CACNA1C: variants seen among roughly 807,000 people sequenced by gnomAD.
CACNA1C encodes calcium voltage-gated channel subunit alpha1 C.
Under a neutral mutation model 229.0 loss-of-function variants are expected in CACNA1C, and 30 were observed. The ratio of observed to expected loss-of-function variants is 0.13; its 90% CI spans 0.10 to 0.18. The LOEUF is 0.18. Ranked by LOEUF, CACNA1C falls within the 10% of genes least tolerant of loss-of-function variation. CACNA1C has a pLI of 1.00. For synonymous variants in CACNA1C, 1,114 were observed against 1,132.5 expected, an observed-to-expected ratio of 0.98 and a Z score of 0.33; for missense variants, 1,658 against 2,845.0, an observed-to-expected ratio of 0.58 and a Z score of 9.49.
chr12:2,115,628 T>A, intron 2 of CACNA1C, 83 bp downstream of exon 2: 1 of 1,337,858 alleles, frequency 7.5e-7, no homozygotes. Context: ...GGCCACGAGC[T>A]GTGTCAGCTG....
chr12:2,469,403 T>C (rs766881639), intron 5 of CACNA1C, among the ~76,000 whole-genome samples: 2 of 152,348 alleles, frequency 1.3e-5, no homozygotes, highest in African/African-American at 2.4e-5. Context: ...GTGTTGATAC[T>C]GGCAAAGGAC....
chr12:2,609,953 G>A (rs561792456), intron 27 of CACNA1C, among the ~76,000 whole-genome samples: 9 of 152,060 alleles, frequency 5.9e-5, no homozygotes, highest in Non-Finnish European at 1.0e-4. Flanking sequence ...GTGAAACCCC[G>A]TCTCTACTAA....
chr12:2,080,814 G>A (rs961037106), intron 1 of CACNA1C, among the ~76,000 whole-genome samples: 3 of 152,112 alleles, frequency 2.0e-5, no homozygotes, highest in Non-Finnish European at 2.9e-5. Context: ...TAGATCTGAG[G>A]AAATTGCATA....
At chr12:2,232,227 G>GTTTTTTTTTTTTTTTT (rs1169407536) in intron 3 of CACNA1C, among the ~76,000 whole-genome samples, 170 of 73,454 alleles carry the variant, frequency 2.3e-3, no homozygotes, top group East Asian at 5.2e-3. Flanking sequence ...GTCTTTCCTT[G>GTTTTTTTTTTTTTTTT]TTTTTTTTTT....
At chr12:2,681,477 G>C (rs919740798) in intron 42 of CACNA1C, among the ~76,000 whole-genome samples, 2 of 152,140 alleles carry the variant, frequency 1.3e-5, no homozygotes, top group Non-Finnish European at 2.9e-5. Flanking sequence ...CAAGGCTAAC[G>C]GCAGCTCTAG....
intron 3 of CACNA1C, among the ~76,000 whole-genome samples, chr12:2,167,226 G>A (rs1215274284): frequency 6.6e-6 from 1 of 152,200 alleles, no homozygotes; most frequent in Non-Finnish European, 1.5e-5. Flanking sequence ...AGTGCCCTGG[G>A]AAGGCTTCTG....
In CACNA1C at chr12:2,602,052, G is replaced by A. The variant is rs1286487050; in HGVS notation, c.2960+92G>A. 2.4e-6 allele frequency: 2 copies of A among 817,652 alleles called. No homozygotes were observed. The highest frequency in any genetic ancestry group is 4.2e-6 in the Non-Finnish European group (2 of 471,338). 50.6% of individuals were successfully genotyped at this position (817,652 alleles called of 1,614,324 possible). ...AGACCCTGGAGGGCCTGCCTGCAGG[G>A]CCACCGCAGTGTGATGAGAGTGGGG... On this transcript the variant is annotated intron_variant, in intron 22 of 46. Coordinates refer to ENST00000399655, the MANE Select transcript of CACNA1C (RefSeq NM_000719.7). The surrounding 1 kb of genome is among the most constrained non-coding windows in gnomAD (Gnocchi z 4.4).
At chr12:2,246,294 A>G (rs7967379) in intron 3 of CACNA1C, among the ~76,000 whole-genome samples, 10,890 of 152,232 alleles carry the variant, frequency 0.072, 599 homozygotes, top group African/African-American at 0.14. Flanking sequence ...GCTGCCCAGC[A>G]GATGAGAGTG....
At chr12:1,989,166 T>C (rs774717289) in intron 1 of CACNA1C, among the ~76,000 whole-genome samples, 2 of 152,174 alleles carry the variant, frequency 1.3e-5, no homozygotes, top group Non-Finnish European at 2.9e-5. Flanking sequence ...GGAAGATCAC[T>C]TGAGGCCAGG....
intron 3 of CACNA1C, among the ~76,000 whole-genome samples, chr12:2,204,290 G>A (rs2097687125): frequency 6.6e-6 from 1 of 151,974 alleles, no homozygotes; most frequent in African/African-American, 2.4e-5. Context: ...CCCACTTTTT[G>A]ATGGGGTTGT....
At chr12:2,571,899 C>G (rs1305131498) in intron 13 of CACNA1C, among the ~76,000 whole-genome samples, 2 of 152,168 alleles carry the variant, frequency 1.3e-5, no homozygotes, top group Non-Finnish European at 2.9e-5. Context: ...ACATTGTGGT[C>G]CCTTCAGCTG....
chr12:2,655,107 G>C, intron 33 of CACNA1C, 40 bp from the exon 34 acceptor site: 1 of 1,256,752 alleles, frequency 8.0e-7, no homozygotes, highest in Non-Finnish European at 1.2e-6. Context: ...GACCCTATCT[G>C]TCCACAAATC....
At chr12:2,179,253 A>G (rs2096759303) in intron 3 of CACNA1C, among the ~76,000 whole-genome samples, 1 of 152,236 alleles carries the variant, frequency 6.6e-6, no homozygotes, top group African/African-American at 2.4e-5. Flanking sequence ...TGTGGCAGGC[A>G]TCCTGCCAGG....
chr12:2,676,973 T>C (rs2096852863), intron 39 of CACNA1C, 121 bp from the exon 40 acceptor site: 2 of 774,260 alleles, frequency 2.6e-6, no homozygotes, highest in African/African-American at 3.5e-5. Flanking sequence ...TGTGAATGTA[T>C]TACCTCTCCA....
intron 11 of CACNA1C, among the ~76,000 whole-genome samples, chr12:2,563,036 C>T (rs543302928): frequency 6.6e-6 from 1 of 152,286 alleles, no homozygotes; most frequent in African/African-American, 2.4e-5. Flanking sequence ...CTCCACTACC[C>T]TTTCCAGCTT....
At chr12:2,204,333 T>C (rs973108203) in intron 3 of CACNA1C, among the ~76,000 whole-genome samples, 3 of 152,140 alleles carry the variant, frequency 2.0e-5, no homozygotes, top group Non-Finnish European at 4.4e-5. Context: ...TTTGAGTTCA[T>C]TGTAGATTCT....
At position 2,688,576 on chromosome 12, in the gene CACNA1C, C is replaced by T. The variant is rs771477908; in HGVS notation, c.5914C>T (p.Leu1972=). ...RGWPPQPVPT[L]RLEGVESSEK... ...CTGGCCCCCACAGCCCGTCCCCACC[C>T]TGCGGCTTGAGGGGGTCGAGTCCAG... is the stretch of plus-strand genomic sequence containing the variant. The change falls in exon 46 of 47, where the codon CTG becomes TTG. Residue 1972 remains leucine, a synonymous_variant. Coordinates refer to ENST00000399655, the MANE Select transcript of CACNA1C (RefSeq NM_000719.7). The T allele has an allele frequency of 1.9e-6, 3 of 1,613,914 alleles. No homozygotes were observed. Among genetic ancestry groups the T allele is most frequent in the African/African-American group, 2.7e-5 (2 of 74,952 alleles).
intron 5 of CACNA1C, among the ~76,000 whole-genome samples, chr12:2,465,403 G>A (rs563635293): frequency 1.3e-5 from 2 of 152,154 alleles, no homozygotes; most frequent in East Asian, 1.9e-4. Flanking sequence ...TATGAAGGAG[G>A]ACATACCGGA....
At chr12:2,578,313 G>C (rs920002757) in intron 13 of CACNA1C, among the ~76,000 whole-genome samples, 2 of 152,216 alleles carry the variant, frequency 1.3e-5, no homozygotes, top group Non-Finnish European at 2.9e-5. Flanking sequence ...TCAGGCAGGA[G>C]CATGTGTAGG....
Sources: allele counts gnomAD v4.1 joint callset (sites outside exome capture counted in the v4.1 genomes callset), GRCh38; gene constraint gnomAD v4.1.1; non-coding constraint Gnocchi (gnomAD v3.1); transcripts MANE v1.5; gene names NCBI Gene and HGNC (gene_info 2026-07-23, HGNC 2026-07-21).